The following ADGRL3 variants were observed in gnomAD, a reference collection of about 807,000 sequenced individuals.
ADGRL3 encodes the protein adhesion G protein-coupled receptor L3.
ADGRL3 carries 62 observed loss-of-function variants against 153.5 expected under a neutral mutation model. The ratio of observed to expected loss-of-function variants is 0.40; its 90% CI spans 0.33 to 0.50. ADGRL3 has a LOEUF of 0.50. Among genes scored for constraint, ADGRL3 ranks in the 20% least tolerant of loss-of-function variants. The pLI, the probability that ADGRL3 is intolerant of heterozygous loss-of-function variation, is 0.47. For missense variants in ADGRL3, 1,641 were observed against 1,859.4 expected, an observed-to-expected ratio of 0.88 and a Z score of 2.16; for synonymous variants, 710 against 672.5, an observed-to-expected ratio of 1.06 and a Z score of -0.86.
intron 21 of ADGRL3, among the ~76,000 whole-genome samples, chr4:62,007,479 T>G: frequency 7.0e-6 from 1 of 142,334 alleles, no homozygotes; most frequent in Non-Finnish European, 1.5e-5. Context: ...TGTATATATA[T>G]ATATATGTAT....
intron 1 of ADGRL3, among the ~76,000 whole-genome samples, chr4:61,349,508 T>A (rs2095996356): frequency 6.6e-6 from 1 of 152,124 alleles, no homozygotes; most frequent in African/African-American, 2.4e-5. Flanking sequence ...GCACCACGAT[T>A]ACCTGTATAA....
chr4:61,989,742 T>C (rs73222029), intron 19 of ADGRL3, among the ~76,000 whole-genome samples: 112 of 152,154 alleles, frequency 7.4e-4, no homozygotes, highest in African/African-American at 2.6e-3. Flanking sequence ...TGCAATGAAA[T>C]GTTAGACTTA....
intron 5 of ADGRL3, among the ~76,000 whole-genome samples, chr4:61,643,362 G>A (rs1189145535): frequency 1.3e-5 from 2 of 151,798 alleles, no homozygotes; most frequent in African/African-American, 2.4e-5. Flanking sequence ...TCCCTGTCTT[G>A]TGCCAGTTTT....
At chr4:61,841,790 G>T (rs899267727) in intron 9 of ADGRL3, among the ~76,000 whole-genome samples, 1 of 152,116 alleles carries the variant, frequency 6.6e-6, no homozygotes. Flanking sequence ...GAGTTTTCTT[G>T]AAAGTTTCGA....
At chr4:61,224,609 G>A (rs1337571125) in intron 1 of ADGRL3, among the ~76,000 whole-genome samples, 3 of 152,158 alleles carry the variant, frequency 2.0e-5, no homozygotes, top group South Asian at 4.1e-4. Context: ...TAGAGGATTC[G>A]CAATTCATAG....
At chr4:62,063,639 C>T (rs1024590829) in intron 25 of ADGRL3, 1 of 675,410 alleles carries the variant, frequency 1.5e-6, no homozygotes, top group Non-Finnish European at 2.7e-6. Context: ...ACAAGGTGTG[C>T]TGGAGTTTAT....
At chr4:61,266,140 A>G (rs1384793278) in intron 1 of ADGRL3, among the ~76,000 whole-genome samples, 1 of 151,604 alleles carries the variant, frequency 6.6e-6, no homozygotes, top group African/African-American at 2.4e-5. Context: ...CAATGATTCC[A>G]TTTTCAGAGA....
chr4:61,400,964 A>G (rs1181374591), intron 2 of ADGRL3, among the ~76,000 whole-genome samples: 8 of 151,630 alleles, frequency 5.3e-5, no homozygotes, highest in Non-Finnish European at 1.0e-4. Flanking sequence ...GATTATTTTT[A>G]TAGCACCTTT....
chr4:61,342,337 A>T (rs2095822999), intron 1 of ADGRL3, among the ~76,000 whole-genome samples: 1 of 152,180 alleles, frequency 6.6e-6, no homozygotes, highest in Non-Finnish European at 1.5e-5. Flanking sequence ...TAGTCTATAA[A>T]CATTGTGGGG....
chr4:61,477,858 T>C (rs974256139), intron 2 of ADGRL3, among the ~76,000 whole-genome samples: 1 of 152,086 alleles, frequency 6.6e-6, no homozygotes, highest in Non-Finnish European at 1.5e-5. Flanking sequence ...TCTTTTTTAC[T>C]ACAGAATTTG....
At chr4:61,441,573 G>T (rs1191729458) in intron 2 of ADGRL3, among the ~76,000 whole-genome samples, 4 of 150,748 alleles carry the variant, frequency 2.7e-5, no homozygotes, top group African/African-American at 9.8e-5. Context: ...AGGTTGGAGT[G>T]CAGTGGTGCG....
intron 8 of ADGRL3, among the ~76,000 whole-genome samples, chr4:61,759,425 T>C (rs1034747361): frequency 6.6e-6 from 1 of 152,234 alleles, no homozygotes; most frequent in Non-Finnish European, 1.5e-5. Flanking sequence ...ATTCTTTTGA[T>C]TTTCCATCAC....
chr4:61,641,364 C>T (rs1158928531), intron 5 of ADGRL3, among the ~76,000 whole-genome samples: 1 of 150,784 alleles, frequency 6.6e-6, no homozygotes, highest in Non-Finnish European at 1.5e-5. Context: ...TATACATGTG[C>T]CATGCTGGTG....
At chr4:61,217,758 A>T (rs972495099) in intron 1 of ADGRL3, among the ~76,000 whole-genome samples, 2 of 152,202 alleles carry the variant, frequency 1.3e-5, no homozygotes, top group Non-Finnish European at 2.9e-5. Flanking sequence ...GTTTTACTCC[A>T]GAAGGTTGGT....
At chr4:61,350,262 A>G (rs1224751287) in intron 1 of ADGRL3, among the ~76,000 whole-genome samples, 1 of 151,724 alleles carries the variant, frequency 6.6e-6, no homozygotes, top group Non-Finnish European at 1.5e-5. Flanking sequence ...TGGACTTTGA[A>G]TTCTGTACAG....
chr4:61,679,662 T>C (rs1041077602), intron 6 of ADGRL3, among the ~76,000 whole-genome samples: 1 of 152,108 alleles, frequency 6.6e-6, no homozygotes, highest in African/African-American at 2.4e-5. Flanking sequence ...CTCCTTGTTA[T>C]GTGTATCACC....
intron 1 of ADGRL3, among the ~76,000 whole-genome samples, chr4:61,308,051 T>C (rs1175159750): frequency 6.6e-6 from 1 of 152,170 alleles, no homozygotes; most frequent in East Asian, 1.9e-4. Context: ...AAGATCTCTC[T>C]GAAAACAAGA....
At chr4:61,234,474 A>C (rs2149237688) in intron 1 of ADGRL3, among the ~76,000 whole-genome samples, 1 of 152,300 alleles carries the variant, frequency 6.6e-6, no homozygotes, top group Non-Finnish European at 1.5e-5. Flanking sequence ...GGATGGGGAC[A>C]CAGCCAAACT....
chr4:61,727,496 CAA>C (rs1408033239), intron 6 of ADGRL3, among the ~76,000 whole-genome samples: 2 of 152,168 alleles, frequency 1.3e-5, no homozygotes, highest in African/African-American at 4.8e-5. Context: ...GACTAAAAAA[CAA>C]GAGATCCTGA....
Sources: allele counts gnomAD v4.1 joint callset (sites outside exome capture counted in the v4.1 genomes callset), GRCh38; gene constraint gnomAD v4.1.1; transcripts MANE v1.5; gene names NCBI Gene and HGNC (gene_info 2026-07-23, HGNC 2026-07-21).